The following SERPINA9 variants were observed in gnomAD, a reference collection of about 807,000 sequenced individuals.
SERPINA9 encodes the protein serpin family A member 9.
SERPINA9 carries 32 observed loss-of-function variants against 24.5 expected under a neutral mutation model. The observed-to-expected ratio is 1.30, with a 90% CI of 0.98 to 1.75. The LOEUF is 1.75. SERPINA9 is among the 40% of genes most tolerant of loss of function. The pLI is 0.00. For missense variants in SERPINA9, 594 were observed against 497.1 expected, an observed-to-expected ratio of 1.19 and a Z score of -1.85; for synonymous variants, 233 against 197.7, an observed-to-expected ratio of 1.18 and a Z score of -1.50.
At chr14:94,475,745 T>C (rs1899592509) in intron 1 of SERPINA9, among the ~76,000 whole-genome samples, 2 of 152,322 alleles carry the variant, frequency 1.3e-5, no homozygotes, top group East Asian at 1.9e-4. Context: ...TGATCCTTGC[T>C]GTTAGTTTGG....
intron 1 of SERPINA9, chr14:94,475,892 G>T: frequency 1.9e-6 from 1 of 521,456 alleles, no homozygotes; most frequent in Admixed American, 3.5e-5. Context: ...AAATTTTCAA[G>T]AGCTGTGTAT....
chr14:94,471,301 G>T (rs1252332613), intron 1 of SERPINA9, among the ~76,000 whole-genome samples: 1 of 152,098 alleles, frequency 6.6e-6, no homozygotes, highest in Non-Finnish European at 1.5e-5. Flanking sequence ...GTCAATAAGT[G>T]AACAATTATT....
Position 94,469,262 on chromosome 14 carries a change from GCCTTGGATTATGTCTACAACCTTC to G in SERPINA9, c.555_578del (p.Lys186_Gly193del). 6.2e-7 allele frequency: 1 copy of G among 1,614,018 alleles called. No individual in the cohort carries two copies. Among genetic ancestry groups the G allele is most frequent in the Non-Finnish European group, 8.5e-7 (1 of 1,180,022 alleles). ...GAACCATGGCCGTCAGAAGGTCAAG[GCCTTGGATTATGTCTACAACCTTC>G]CCTTGGGTCTTCTTTTTCACATGGC... is the stretch of plus-strand genomic sequence containing the variant. On this transcript the variant is annotated inframe_deletion, in exon 2 of 5. Coordinates refer to ENST00000674397, the MANE Select transcript of SERPINA9 (RefSeq NM_175739.4).
intron 3 of SERPINA9, 86 bp from the exon 4 acceptor site, chr14:94,464,940 G>C (rs905493609): frequency 8.7e-7 from 1 of 1,144,590 alleles, no homozygotes. Flanking sequence ...GGGAGACTCC[G>C]TTCTTCCTCC....
chr14:94,464,587 A>G, intron 4 of SERPINA9, 120 bp downstream of exon 4: 3 of 827,260 alleles, frequency 3.6e-6, no homozygotes, highest in Non-Finnish European at 5.7e-6. Context: ...TTCTGGCCGC[A>G]GAAGACCCTG....
At chr14:94,470,727 G>C (rs778566568) in intron 1 of SERPINA9, among the ~76,000 whole-genome samples, 7 of 152,198 alleles carry the variant, frequency 4.6e-5, no homozygotes, top group South Asian at 2.1e-4. Flanking sequence ...CATGGTGAGC[G>C]CTGAATACAT....
chr14:94,464,166 G>A (rs1229646433), intron 4 of SERPINA9, among the ~76,000 whole-genome samples: 1 of 152,094 alleles, frequency 6.6e-6, no homozygotes, highest in Non-Finnish European at 1.5e-5. Context: ...CTGCCATGTG[G>A]ACACATAGGC....
intron 1 of SERPINA9, among the ~76,000 whole-genome samples, chr14:94,475,414 A>G (rs1022528720): frequency 7.4e-6 from 1 of 135,868 alleles, no homozygotes; most frequent in Non-Finnish European, 1.6e-5. Flanking sequence ...ATGTGTGCCT[A>G]CATGTGCACA....
At position 94,469,818 on chromosome 14, in the gene SERPINA9, ACT is replaced by A; in HGVS notation, c.21_22del (p.Val8ThrfsTer149). On this transcript the variant is annotated frameshift_variant, in exon 2 of 5. Transcript: ENST00000674397. LOFTEE classifies it high-confidence loss of function. ...AGCACAGAGGCCAACAGCAAAGAGT[ACT>A]CCATAAAGGTAAGATGCCATTTTGG... The A allele has an allele frequency of 2.6e-6, 4 of 1,518,080 alleles. No homozygotes were observed. The highest frequency in any genetic ancestry group is 2.6e-6 in the Non-Finnish European group (3 of 1,134,144). The allele number at this position is 1,518,080 out of a possible 1,614,324, so 94.0% of individuals were successfully genotyped here.
rs771379037 is a variant in SERPINA9 at position 94,467,247 on chromosome 14, T to C, written c.764A>G (p.Asn255Ser). The change falls in exon 3 of 5, where the codon AAC becomes AGC. Residue 255 changes from asparagine to serine, a missense_variant. By Grantham distance (46) the Asn-to-Ser change is conservative (BLOSUM62 1). Coordinates refer to ENST00000674397, the MANE Select transcript of SERPINA9 (RefSeq NM_175739.4). ...QFAFGVDTEL[N>S]CFVLQMDYKG... ...GTAATCCATCTGCAGCACAAAGCAG[T>C]TCAGCTCTGTATCCACCCCAAAAGC... 1.9e-6 allele frequency: 3 copies of C among 1,614,100 alleles called. No homozygotes were observed. The highest frequency in any genetic ancestry group is 1.7e-5 in the Admixed American group (1 of 60,000).
chr14:94,463,849 T>C (rs1390965212), intron 4 of SERPINA9, among the ~76,000 whole-genome samples: 7 of 152,206 alleles, frequency 4.6e-5, no homozygotes, highest in Non-Finnish European at 1.0e-4. Context: ...TTATTTTTCA[T>C]AGGCTCACAG....
intron 3 of SERPINA9, 107 bp from the exon 4 acceptor site, chr14:94,464,961 A>G (rs1898931814): frequency 1.0e-6 from 1 of 952,904 alleles, no homozygotes; most frequent in East Asian, 2.7e-5. Context: ...AACCACTGCT[A>G]ATTTCTGCTA....
chr14:94,467,218 C>T lies in SERPINA9; in HGVS notation c.793G>A (p.Gly265Arg), dbSNP rs766343410. Reference sequence around the variant, plus strand: ...AGGACAAAGAAGGCCACGGCATCTCCCTTGTAATCCATCTGCAGCACAAAG... The same window carrying T: ...AGGACAAAGAAGGCCACGGCATCTCTCTTGTAATCCATCTGCAGCACAAAG... ...NCFVLQMDYKGDAVAFFVLPS... is the reference protein window; with the variant it reads ...NCFVLQMDYKRDAVAFFVLPS... The change falls in exon 3 of 5, where the codon GGA (glycine) becomes AGA (arginine). Residue 265 changes from glycine to arginine, a missense_variant. By Grantham distance (125) the Gly-to-Arg change is moderately radical. Transcript: ENST00000674397. 1.3e-5 allele frequency: 21 copies of T among 1,614,116 alleles called. No individual in the cohort carries two copies. Among genetic ancestry groups the T allele is most frequent in the South Asian group, 1.1e-5 (1 of 91,090 alleles).
chr14:94,475,520 T>G (rs998557858), intron 1 of SERPINA9, among the ~76,000 whole-genome samples: 1 of 151,944 alleles, frequency 6.6e-6, no homozygotes, highest in Admixed American at 6.6e-5. Flanking sequence ...TGAAAAGGAA[T>G]TGTCTCAACT....
At chr14:94,471,439 T>C (rs185172825) in intron 1 of SERPINA9, among the ~76,000 whole-genome samples, 39 of 152,312 alleles carry the variant, frequency 2.6e-4, no homozygotes, top group African/African-American at 8.2e-4. Context: ...ACAATTTCTC[T>C]GTGGAAATGA....
intron 1 of SERPINA9, 121 bp downstream of exon 1, chr14:94,476,015 G>T (rs572810238): frequency 6.8e-7 from 1 of 1,477,156 alleles, no homozygotes; most frequent in African/African-American, 1.4e-5. Context: ...ATGTGTCTAG[G>T]TTCTCATCTT....
In SERPINA9 at chr14:94,463,302, A is replaced by G. The variant is rs1566789162; in HGVS notation, c.1051-6T>C. The stretch of plus-strand genomic sequence containing the variant: ...AGCACAGCCTTGTGGGTTGCCTGCC[A>G]AGGGAAAAACAAACATCAGTGGCCC... On this transcript the variant is annotated splice_polypyrimidine_tract_variant and splice_region_variant and intron_variant, in intron 4 of 4. Transcript: ENST00000674397. 6.2e-7 allele frequency: 1 copy of G among 1,613,742 alleles called. No homozygotes were observed. Among genetic ancestry groups the G allele is most frequent in the Non-Finnish European group, 8.5e-7 (1 of 1,179,930 alleles).
At chr14:94,475,606 C>G (rs2139829132) in intron 1 of SERPINA9, among the ~76,000 whole-genome samples, 1 of 152,266 alleles carries the variant, frequency 6.6e-6, no homozygotes, top group South Asian at 2.1e-4. Flanking sequence ...CTCCACTCCA[C>G]CAATAAAGCA....
chr14:94,471,651 A>G (rs1899322859), intron 1 of SERPINA9, among the ~76,000 whole-genome samples: 1 of 152,100 alleles, frequency 6.6e-6, no homozygotes, highest in African/African-American at 2.4e-5. Context: ...TCTAAGTTAC[A>G]TTCGCATCCA....
Sources: gnomAD v4.1 joint callset for allele counts (sites outside exome capture counted in the v4.1 genomes callset) on GRCh38, gnomAD v4.1.1 for gene constraint, MANE v1.5 for transcripts, NCBI Gene and HGNC (gene_info 2026-07-23, HGNC 2026-07-21) for gene names.